ANO3: variants seen among roughly 807,000 people sequenced by gnomAD.
ANO3 encodes anoctamin 3.
In ANO3, 99 loss-of-function variants were observed where a neutral mutation model predicts 144.8. That is an observed-to-expected ratio of 0.68 (90% CI 0.58 to 0.81). The LOEUF (loss-of-function observed/expected upper bound fraction) is 0.81, where lower values mean the gene tolerates loss of function less well. ANO3 is among the 30% of genes least tolerant of loss of function. The pLI is 0.00. For synonymous variants in ANO3, 414 were observed against 392.6 expected (o/e 1.05, Z -0.64); for missense variants, 905 against 1,202.2 (o/e 0.75, Z 3.66).
At chr11:26,253,733 G>A (rs72872794) in intron 1 of ANO3, among the ~76,000 whole-genome samples, 6,309 of 152,190 alleles carry the variant, frequency 0.041, 183 homozygotes, top group Non-Finnish European at 0.059. Flanking sequence ...GTCAGTAAAT[G>A]GTAAAGCTGG....
At chr11:26,577,048 TTA>T (rs1307541910) in intron 14 of ANO3, among the ~76,000 whole-genome samples, 1 of 152,192 alleles carries the variant, frequency 6.6e-6, no homozygotes, top group African/African-American at 2.4e-5. Flanking sequence ...TTGGCCACAT[TTA>T]TATGATTGTG....
At chr11:26,235,106 C>A (rs1852490458) in intron 1 of ANO3, among the ~76,000 whole-genome samples, 1 of 151,994 alleles carries the variant, frequency 6.6e-6, no homozygotes, top group Non-Finnish European at 1.5e-5. Flanking sequence ...CTAGATGCCA[C>A]CCATATTGTG....
At chr11:26,531,640 TTAA>T (rs1049854735) in intron 8 of ANO3, among the ~76,000 whole-genome samples, 4 of 152,110 alleles carry the variant, frequency 2.6e-5, no homozygotes, top group Non-Finnish European at 5.9e-5. Context: ...AACAATAATG[TTAA>T]TAATAATAGG....
At chr11:26,405,128 A>G (rs1032735222) in intron 1 of ANO3, among the ~76,000 whole-genome samples, 4 of 151,720 alleles carry the variant, frequency 2.6e-5, no homozygotes, top group Non-Finnish European at 5.9e-5. Context: ...TTCACACTCT[A>G]TGGGATTTTT....
In ANO3 at chr11:26,443,749, T is replaced by C. The variant is rs1858610385; in HGVS notation, c.242-16T>C. 6.5e-7 allele frequency: 1 copy of C among 1,541,360 alleles called. No individual in the cohort carries two copies. The highest frequency in any genetic ancestry group is 1.4e-5 in the African/African-American group (1 of 72,766). On this transcript the variant is annotated splice_polypyrimidine_tract_variant and intron_variant, in intron 2 of 26. Coordinates refer to ENST00000256737, the MANE Select transcript of ANO3 (RefSeq NM_031418.4). ...TTTTATTTCCCAAAACTACAAAGTA[T>C]CTTATTTTATTTCAGTTAATACTGA... is the stretch of plus-strand genomic sequence containing the variant.
At chr11:26,625,009 G>C (rs1852535377) in intron 18 of ANO3, among the ~76,000 whole-genome samples, 1 of 151,266 alleles carries the variant, frequency 6.6e-6, no homozygotes, top group East Asian at 2.0e-4. Context: ...ACTGCAAGCT[G>C]CACCTCGCAG....
chr11:26,489,581 C>G (rs1860618412), intron 4 of ANO3, among the ~76,000 whole-genome samples: 2 of 152,286 alleles, frequency 1.3e-5, no homozygotes, highest in South Asian at 4.1e-4. Context: ...CACGGGCACT[C>G]AACACTAGTG....
chr11:26,640,097 G>T (rs749441033), intron 21 of ANO3, among the ~76,000 whole-genome samples: 1 of 152,062 alleles, frequency 6.6e-6, no homozygotes, highest in African/African-American at 2.4e-5. Flanking sequence ...TATTAACCCT[G>T]CAATCTGCTA....
Position 26,559,637 on chromosome 11 carries a change from A to G in ANO3, c.1387-82A>G. ...ATATGATTCTATTTGAGAAAAAATC[A>G]TAGTACCTGAGTGCAAACAGTATTC... On this transcript the variant is annotated intron_variant, in intron 13 of 26. Coordinates refer to ENST00000256737, the MANE Select transcript of ANO3 (RefSeq NM_031418.4). 5 of 936,316 alleles carry G rather than the reference A, an allele frequency of 5.3e-6. No individual in the cohort carries two copies. The East Asian group carries it at 1.2e-4, about 23-fold the overall frequency. The allele number at this position is 936,316 out of a possible 1,614,324, so 58.0% of individuals were successfully genotyped here.
chr11:26,632,579 GT>G (rs1852820895), intron 18 of ANO3, among the ~76,000 whole-genome samples: 1 of 141,474 alleles, frequency 7.1e-6, no homozygotes, highest in Admixed American at 7.0e-5. Context: ...AAAAATATAC[GT>G]TTTATATATA....
intron 1 of ANO3, among the ~76,000 whole-genome samples, chr11:26,394,364 A>G (rs1188449870): frequency 2.6e-5 from 4 of 152,036 alleles, no homozygotes; most frequent in Non-Finnish European, 2.9e-5. Flanking sequence ...GTTATTAAAC[A>G]TTTTATATAT....
At chr11:26,285,633 TCAA>T (rs1166731289) in intron 1 of ANO3, 1 of 152,168 alleles carries the variant, frequency 6.6e-6, no homozygotes, top group Non-Finnish European at 1.5e-5. Flanking sequence ...AATCATAATG[TCAA>T]CAACAACAGT....
intron 1 of ANO3, among the ~76,000 whole-genome samples, chr11:26,404,933 ATGTG>A (rs56103536): frequency 0.018 from 2,661 of 146,230 alleles, 76 homozygotes; most frequent in African/African-American, 0.05. Context: ...ATTTATATAT[ATGTG>A]TGTGTGTGTG....
At chr11:26,618,866 A>G (rs11029645) in intron 17 of ANO3, among the ~76,000 whole-genome samples, 43,936 of 151,968 alleles carry the variant, frequency 0.29, 6,694 homozygotes, top group South Asian at 0.46. Flanking sequence ...GTTAAGGATC[A>G]CTTCCTCCAT....
At chr11:26,339,537 A>G (rs1855296113) in intron 1 of ANO3, among the ~76,000 whole-genome samples, 1 of 152,226 alleles carries the variant, frequency 6.6e-6, no homozygotes, top group African/African-American at 2.4e-5. Flanking sequence ...ACACTTAAAC[A>G]GCTGAAAAGC....
At chr11:26,339,156 T>C (rs1855282346) in intron 1 of ANO3, among the ~76,000 whole-genome samples, 1 of 152,028 alleles carries the variant, frequency 6.6e-6, no homozygotes, top group South Asian at 2.1e-4. Context: ...AGTCCACTTT[T>C]TTTTTTTTTC....
At chr11:26,449,470 CTG>C (rs1305051895) in intron 3 of ANO3, among the ~76,000 whole-genome samples, 2 of 42,958 alleles carry the variant, frequency 4.7e-5, no homozygotes, top group African/African-American at 1.9e-4. Flanking sequence ...CTCTGTCTGT[CTG>C]TCTCTCTCTC....
At chr11:26,422,986 T>A (rs1857797396) in intron 1 of ANO3, among the ~76,000 whole-genome samples, 1 of 152,008 alleles carries the variant, frequency 6.6e-6, no homozygotes, top group African/African-American at 2.4e-5. Context: ...AGCACCGCAT[T>A]AAAGATATAT....
chr11:26,254,369 G>A (rs774660436), intron 1 of ANO3, among the ~76,000 whole-genome samples: 17 of 152,048 alleles, frequency 1.1e-4, no homozygotes, highest in African/African-American at 3.9e-4. Flanking sequence ...ACATCAGAGC[G>A]GCAGAAATAA....
Sources: gnomAD v4.1 joint callset for allele counts (sites outside exome capture counted in the v4.1 genomes callset) on GRCh38, gnomAD v4.1.1 for gene constraint, MANE v1.5 for transcripts, NCBI Gene and HGNC (gene_info 2026-07-23, HGNC 2026-07-21) for gene names.